The following RSU1 variants were observed in gnomAD, a reference collection of about 807,000 sequenced individuals.
The protein encoded by RSU1 is Ras suppressor protein 1, also known as rsu-1.
RSU1 carries 26 observed loss-of-function variants against 31.1 expected under a neutral mutation model. The ratio of observed to expected loss-of-function variants is 0.84; its 90% CI spans 0.61 to 1.16. The LOEUF (loss-of-function observed/expected upper bound fraction) is 1.16. Among genes scored for constraint, RSU1 ranks in the 50% most tolerant of loss-of-function variants. The pLI, the probability that RSU1 is intolerant of heterozygous loss-of-function variation, is 0.00. For missense variants in RSU1, 320 were observed against 339.1 expected, an observed-to-expected ratio of 0.94 and a Z score of 0.44; for synonymous variants, 164 against 136.3, an observed-to-expected ratio of 1.20 and a Z score of -1.41.
intron 7 of RSU1, among the ~76,000 whole-genome samples, chr10:16,741,825 AG>A (rs1394107068): frequency 6.6e-6 from 1 of 152,186 alleles, no homozygotes; most frequent in Non-Finnish European, 1.5e-5. Context: ...GTGAGAGATG[AG>A]GGTGGCTTAA....
chr10:16,782,647 G>A (rs1328806316), intron 2 of RSU1, among the ~76,000 whole-genome samples: 3 of 152,048 alleles, frequency 2.0e-5, no homozygotes, highest in African/African-American at 7.2e-5. Context: ...AACATATTTT[G>A]GTTGACATTT....
At chr10:16,680,361 T>C (rs1019529866) in intron 8 of RSU1, among the ~76,000 whole-genome samples, 24 of 151,796 alleles carry the variant, frequency 1.6e-4, no homozygotes, top group African/African-American at 5.8e-4. Context: ...GAGCTCAAGT[T>C]TAAAAAAATA....
intron 8 of RSU1, among the ~76,000 whole-genome samples, chr10:16,665,327 T>C (rs1179760372): frequency 6.6e-6 from 1 of 152,154 alleles, no homozygotes; most frequent in Non-Finnish European, 1.5e-5. Flanking sequence ...TCATCTAATT[T>C]TACAGATGAG....
At chr10:16,680,569 AG>A (rs1835311940) in intron 8 of RSU1, among the ~76,000 whole-genome samples, 1 of 152,000 alleles carries the variant, frequency 6.6e-6, no homozygotes, top group Admixed American at 6.6e-5. Context: ...CAGAAGATGA[AG>A]GGGGTGCAGG....
chr10:16,745,540 C>A (rs1588508370), intron 7 of RSU1, among the ~76,000 whole-genome samples: 1 of 152,062 alleles, frequency 6.6e-6, no homozygotes, highest in South Asian at 2.1e-4. Context: ...ATGGCAGGAG[C>A]CACAAGAGAG....
intron 7 of RSU1, chr10:16,726,908 G>A (rs1485181810): frequency 2.6e-6 from 1 of 380,132 alleles, no homozygotes; most frequent in East Asian, 7.3e-5. Flanking sequence ...CCACCATGCA[G>A]AAGGGCGTTG....
intron 7 of RSU1, among the ~76,000 whole-genome samples, chr10:16,718,107 AAAAAAAGAAAG>A (rs1836180199): frequency 6.6e-6 from 1 of 150,938 alleles, no homozygotes; most frequent in South Asian, 2.1e-4. Flanking sequence ...TAAAAAAAAA[AAAAAAAGAAAG>A]AAAGAAAGAA....
chr10:16,645,415 A>G (rs1221520190), intron 8 of RSU1, among the ~76,000 whole-genome samples: 3 of 151,894 alleles, frequency 2.0e-5, no homozygotes, highest in African/African-American at 7.3e-5. Context: ...GAAAATCCAA[A>G]CATTTCATTG....
At chr10:16,719,357 T>G (rs1048092157) in intron 7 of RSU1, among the ~76,000 whole-genome samples, 1 of 152,112 alleles carries the variant, frequency 6.6e-6, no homozygotes, top group Non-Finnish European at 1.5e-5. Flanking sequence ...AAATCATTCT[T>G]ACAGCAATCC....
chr10:16,687,790 G>C (rs968305528), intron 8 of RSU1, among the ~76,000 whole-genome samples: 2 of 152,016 alleles, frequency 1.3e-5, no homozygotes, highest in Non-Finnish European at 2.9e-5. Flanking sequence ...TGTGATCTTG[G>C]CTCATTGCAA....
chr10:16,765,434 G>T (rs1481421997), intron 3 of RSU1, among the ~76,000 whole-genome samples: 1 of 152,114 alleles, frequency 6.6e-6, no homozygotes, highest in Non-Finnish European at 1.5e-5. Context: ...AGTCAACTCA[G>T]TAGCATGCTA....
intron 8 of RSU1, among the ~76,000 whole-genome samples, chr10:16,671,661 C>G (rs1467649641): frequency 6.6e-6 from 1 of 151,916 alleles, no homozygotes; most frequent in Non-Finnish European, 1.5e-5. Flanking sequence ...GAGTCTCACT[C>G]TGTTGCGAGG....
chr10:16,675,095 G>A (rs887031868), intron 8 of RSU1, among the ~76,000 whole-genome samples: 2 of 150,444 alleles, frequency 1.3e-5, no homozygotes, highest in East Asian at 4.0e-4. Context: ...AACCCCAGCT[G>A]TTTGGGAGGC....
rs1378756117 is a variant in RSU1, at chr10:16,614,268, A to G, written c.732-20772T>C. Among the ~76,000 whole-genome samples, 5 of 152,234 alleles carry G rather than the reference A, an allele frequency of 3.3e-5. No individual in the cohort carries two copies. The East Asian group carries it at 9.6e-4, about 29-fold the overall frequency. On this transcript the variant is annotated intron_variant, in intron 8 of 8. Transcript: ENST00000345264. ...TGTTGTAGATGTTAAATCAAGAACCAGGTAGTCCATGTTCTTACTAACTTG... is the reference window on the plus strand; with the variant it reads ...TGTTGTAGATGTTAAATCAAGAACCGGGTAGTCCATGTTCTTACTAACTTG...
chr10:16,783,983 T>A (rs76308078), intron 2 of RSU1, among the ~76,000 whole-genome samples: 8 of 152,346 alleles, frequency 5.3e-5, no homozygotes, highest in Middle Eastern at 3.4e-3. Flanking sequence ...CAGGTCTTTG[T>A]CGTCTCCTCT....
At chr10:16,809,493 G>A (rs780225447) in intron 2 of RSU1, among the ~76,000 whole-genome samples, 1 of 152,114 alleles carries the variant, frequency 6.6e-6, no homozygotes, top group Non-Finnish European at 1.5e-5. Flanking sequence ...GGGAGCCCAG[G>A]AGCAAAACAC....
intron 8 of RSU1, among the ~76,000 whole-genome samples, chr10:16,680,473 T>G (rs563863318): frequency 1.2e-4 from 19 of 152,330 alleles, no homozygotes; most frequent in Admixed American, 4.6e-4. Context: ...AAGTTTAATT[T>G]GCTCATGGTT....
At chr10:16,689,093 T>C (rs1165379830) in intron 8 of RSU1, among the ~76,000 whole-genome samples, 2 of 152,098 alleles carry the variant, frequency 1.3e-5, no homozygotes, top group Non-Finnish European at 2.9e-5. Flanking sequence ...GTGGCTTAAT[T>C]TGAGCTATTT....
chr10:16,682,847 T>A (rs1232363702), intron 8 of RSU1, among the ~76,000 whole-genome samples: 3 of 151,896 alleles, frequency 2.0e-5, no homozygotes, highest in Non-Finnish European at 4.4e-5. Flanking sequence ...GGGGGTCCCA[T>A]CACATGACAC....
Sources: allele counts gnomAD v4.1 joint callset (sites outside exome capture counted in the v4.1 genomes callset), GRCh38; gene constraint gnomAD v4.1.1; transcripts MANE v1.5; gene names NCBI Gene and HGNC (gene_info 2026-07-23, HGNC 2026-07-21).